The following TAL1 variants were observed in gnomAD, a reference collection of about 807,000 sequenced individuals.
TAL1 encodes TAL bHLH transcription factor 1, erythroid differentiation factor.
In TAL1, 8 loss-of-function variants were observed where a neutral mutation model predicts 17.9. The observed-to-expected ratio is 0.45, with a 90% CI of 0.26 to 0.81. The LOEUF is 0.81. Ranked by LOEUF, TAL1 falls within the 30% of genes least tolerant of loss-of-function variation. The probability of loss-of-function intolerance (pLI) is 0.17; values close to 1 mark genes in which losing one functional copy is unlikely to be tolerated. For missense variants in TAL1, 466 were observed against 486.9 expected (o/e 0.96, Z 0.40); for synonymous variants, 223 against 218.6 (o/e 1.02, Z -0.18).
exon 2 of TAL1, chr1:47,225,829 G>T (rs748552766): frequency 1.3e-6 from 2 of 1,583,384 alleles, no homozygotes; most frequent in Non-Finnish European, 1.7e-6. Context: ...CCTCGGCCGC[G>T]TCCCGTCCCT....
chr1:47,219,735 T>A, exon 4 of TAL1: 1 of 1,610,150 alleles, frequency 6.2e-7, no homozygotes, highest in Admixed American at 1.7e-5. Flanking sequence ...GAGGGCCGGC[T>A]CCATCGGCGG....
At chr1:47,219,601 A>C (rs895720898) in exon 4 of TAL1, 12 of 1,474,490 alleles carry the variant, frequency 8.1e-6, no homozygotes, top group Non-Finnish European at 7.3e-6. Context: ...GACATCCAGG[A>C]AAGTTCAAGT....
chr1:47,217,421 T>A (rs1645518290), exon 4 of TAL1: 2 of 396,688 alleles, frequency 5.0e-6, no homozygotes, highest in Admixed American at 8.8e-5. Flanking sequence ...AAATAGATAA[T>A]CTGGAGAAAT....
At chr1:47,217,265 G>T in exon 4 of TAL1, 1 of 365,516 alleles carries the variant, frequency 2.7e-6, no homozygotes, top group Non-Finnish European at 4.9e-6. Flanking sequence ...GCTCACACCT[G>T]TGGTCCTCCC....
chr1:47,226,064 T>G, intron 1 of TAL1, 175 bp from the exon 3 acceptor site: 1 of 494,500 alleles, frequency 2.0e-6, no homozygotes, highest in South Asian at 2.9e-5. Context: ...CGGTTGGGGC[T>G]AGGGTGGGAG....
At chr1:47,224,834 T>A (rs962543537) in intron 2 of TAL1, among the ~76,000 whole-genome samples, 6 of 152,176 alleles carry the variant, frequency 3.9e-5, no homozygotes, top group Admixed American at 3.9e-4. Context: ...GGGAAACGGA[T>A]GCCCTGACAC....
At chr1:47,218,036 A>T (rs533584727) in exon 4 of TAL1, 2 of 314,614 alleles carry the variant, frequency 6.4e-6, no homozygotes, top group Non-Finnish European at 1.2e-5. Flanking sequence ...CTGTCTGTAC[A>T]TGGCTGAATT....
Position 47,229,354 on chromosome 1 carries a change from G to A in TAL1, c.-160C>T. On this transcript the variant is annotated 5_prime_UTR_variant, in exon 1 of 4. Coordinates refer to ENST00000294339, the Ensembl canonical transcript of TAL1. ...GCTGCGGTGTGGTCCTGGGCGATCT[G>A]CCGCGCCCAAAGCGAGTTTCCAGGA... 5.2e-6 allele frequency: 1 copy of A among 192,782 alleles called. No homozygotes were observed. The highest frequency in any genetic ancestry group is 1.1e-5 in the Non-Finnish European group (1 of 92,124). The allele number at this position is 192,782 out of a possible 1,614,324, so 11.9% of individuals were successfully genotyped here. A position where few individuals can be genotyped will look rare whatever the true frequency, so the allele number is the denominator to read the frequency against.
upstream of TAL1, chr1:47,232,245 CCCCCGCTCCCCCGCCCG>C (rs901300704): frequency 4.7e-5 from 8 of 170,184 alleles, no homozygotes; most frequent in Admixed American, 4.5e-4. Flanking sequence ...CCTCCCGCGG[CCCCCGCTCCCCCGCCCG>C]CCCCGCGCCC....
chr1:47,221,221 A>T (rs943774844), intron 3 of TAL1, among the ~76,000 whole-genome samples: 11 of 152,100 alleles, frequency 7.2e-5, no homozygotes, highest in African/African-American at 2.7e-4. Flanking sequence ...TGGAGGGGAG[A>T]GCAGAGATCG....
Position 47,225,668 on chromosome 1 carries a change from A to T in TAL1, c.221T>A (p.Leu74Ter). 7.1e-7 allele frequency: 1 copy of T among 1,416,312 alleles called. No individual in the cohort carries two copies. Among genetic ancestry groups the T allele is most frequent in the Non-Finnish European group, 9.1e-7 (1 of 1,094,128 alleles). The allele number at this position is 1,416,312 out of a possible 1,614,324, so 87.7% of individuals were successfully genotyped here. The change falls in exon 2 of 4, where the codon TTA becomes TAA. Residue 74 changes from leucine to a stop codon, truncating the protein, a stop_gained. Coordinates refer to ENST00000294339, the Ensembl canonical transcript of TAL1. LOFTEE classifies it high-confidence loss of function. Reference sequence around the variant, plus strand: ...GGCCGTCGCCGCGTCGCGGCCCTTTAAGTCTCTCGCGGCGCCGCCCCCACC... The same window carrying T: ...GGCCGTCGCCGCGTCGCGGCCCTTTTAGTCTCTCGCGGCGCCGCCCCCACC...
chr1:47,222,051 T>C (rs1462737142), intron 3 of TAL1, among the ~76,000 whole-genome samples: 1 of 152,244 alleles, frequency 6.6e-6, no homozygotes, highest in Non-Finnish European at 1.5e-5. Flanking sequence ...AGTTCTACCC[T>C]GGGCGGCCTC....
At chr1:47,225,613 C>T in exon 2 of TAL1, 1 of 1,380,606 alleles carries the variant, frequency 7.2e-7, no homozygotes, top group South Asian at 1.7e-5. Flanking sequence ...GTCTGCACAG[C>T]TCGGTGGTGG....
intron 1 of TAL1, chr1:47,226,161 C>T: frequency 4.6e-6 from 2 of 432,758 alleles, no homozygotes; most frequent in Non-Finnish European, 4.1e-6. Flanking sequence ...TGGAGGAAGA[C>T]GACAGAGACA....
intron 1 of TAL1, chr1:47,226,259 A>C: frequency 4.4e-6 from 1 of 229,432 alleles, no homozygotes; most frequent in Non-Finnish European, 8.4e-6. Context: ...GAAAGAGATT[A>C]CTCTGTCCCC....
chr1:47,224,576 C>A lies in TAL1; in HGVS notation c.447-478G>T, dbSNP rs556760712. On this transcript the variant is annotated intron_variant, in intron 2 of 3. Coordinates refer to ENST00000294339, the Ensembl canonical transcript of TAL1. The stretch of plus-strand genomic sequence containing the variant: ...ATCTTGGTCACCACAAAGGGGCACA[C>A]TGTCCCCTCTCCCCACCTCACCCCA... Among the ~76,000 whole-genome samples, 35 of 152,288 alleles carry A rather than the reference C, an allele frequency of 2.3e-4. No homozygotes were observed. In the South Asian group the frequency reaches 7.3e-3, roughly 32 times the overall value.
chr1:47,220,296 T>C (rs1643757602), intron 3 of TAL1, 122 bp from the exon 5 acceptor site: 2 of 1,364,192 alleles, frequency 1.5e-6, no homozygotes. Flanking sequence ...TTAGAAAACA[T>C]CCACCCTTCA....
exon 4 of TAL1, chr1:47,217,902 A>C (rs1645530791): frequency 2.5e-6 from 1 of 397,422 alleles, no homozygotes; most frequent in Non-Finnish European, 4.4e-6. Flanking sequence ...ATTTTCACCA[A>C]AACATGATCT....
upstream of TAL1, chr1:47,230,033 G>A (rs981332203): frequency 2.0e-5 from 3 of 152,242 alleles, no homozygotes; most frequent in African/African-American, 7.2e-5. Context: ...AAGAAAGAGA[G>A]AGGAAGAGAG....
Sources: gnomAD v4.1 joint callset for allele counts (sites outside exome capture counted in the v4.1 genomes callset) on GRCh38, gnomAD v4.1.1 for gene constraint, MANE v1.5 for transcripts, NCBI Gene and HGNC (gene_info 2026-07-23, HGNC 2026-07-21) for gene names.